MYO5B: variants seen among roughly 807,000 people sequenced by gnomAD.
MYO5B encodes unconventional myosin-Vb.
A neutral mutation model predicts 229.3 loss-of-function variants in MYO5B; 143 were observed. The observed-to-expected ratio is 0.62, with a 90% CI of 0.54 to 0.72. MYO5B has a LOEUF of 0.72. Among genes scored for constraint, MYO5B ranks in the 30% least tolerant of loss-of-function variants. The pLI is 0.00. For missense variants in MYO5B, 2,321 were observed against 2,331.0 expected, an observed-to-expected ratio of 1.00 and a Z score of 0.09; for synonymous variants, 918 against 885.2, an observed-to-expected ratio of 1.04 and a Z score of -0.66.
intron 1 of MYO5B, among the ~76,000 whole-genome samples, chr18:50,153,797 G>A (rs1345127921): frequency 6.6e-6 from 1 of 152,116 alleles, no homozygotes; most frequent in Non-Finnish European, 1.5e-5. Flanking sequence ...GAGTGGGGAA[G>A]TGAGTGAGTG....
intron 21 of MYO5B, among the ~76,000 whole-genome samples, chr18:49,900,078 G>C (rs1251221596): frequency 6.6e-6 from 1 of 152,226 alleles, no homozygotes; most frequent in African/African-American, 2.4e-5. Context: ...AGCAAGGCCT[G>C]GGGGAGCCAG....
intron 1 of MYO5B, among the ~76,000 whole-genome samples, chr18:50,110,269 C>G (rs764681254): frequency 6.6e-6 from 1 of 152,102 alleles, no homozygotes; most frequent in African/African-American, 2.4e-5. Flanking sequence ...GCTTTATTTT[C>G]TTCTCCTGGC....
At chr18:50,144,573 T>A (rs572062814) in intron 1 of MYO5B, among the ~76,000 whole-genome samples, 1 of 152,166 alleles carries the variant, frequency 6.6e-6, no homozygotes, top group Non-Finnish European at 1.5e-5. Flanking sequence ...ATGAGCTACA[T>A]ATACACAGAA....
At chr18:50,021,276 G>A (rs918803508) in intron 4 of MYO5B, among the ~76,000 whole-genome samples, 1 of 152,166 alleles carries the variant, frequency 6.6e-6, no homozygotes, top group Non-Finnish European at 1.5e-5. Context: ...CAACACTTTG[G>A]AGGACAGCTA....
intron 27 of MYO5B, among the ~76,000 whole-genome samples, chr18:49,869,982 T>A (rs2024439493): frequency 6.6e-6 from 1 of 152,164 alleles, no homozygotes; most frequent in South Asian, 2.1e-4. Context: ...ACATGCTCAT[T>A]TTCATCCCCA....
chr18:50,154,779 G>A (rs2032654049), intron 1 of MYO5B, among the ~76,000 whole-genome samples: 2 of 152,218 alleles, frequency 1.3e-5, no homozygotes, highest in African/African-American at 2.4e-5. Flanking sequence ...TAGGGCCCTG[G>A]AATGAATGGT....
chr18:49,922,642 C>T (rs796396524), intron 17 of MYO5B, among the ~76,000 whole-genome samples: 10 of 152,004 alleles, frequency 6.6e-5, no homozygotes, highest in African/African-American at 2.4e-4. Context: ...GCTAAGATGG[C>T]AAATGCCAGG....
intron 14 of MYO5B, among the ~76,000 whole-genome samples, chr18:49,943,331 C>T (rs967701606): frequency 6.6e-5 from 10 of 151,822 alleles, no homozygotes; most frequent in African/African-American, 2.2e-4. Flanking sequence ...CAAACCTGCA[C>T]GTTGTACCCT....
In MYO5B at chr18:50,033,387, C is replaced by T. The variant is rs79546943; in HGVS notation, c.455+3463G>A. ...ATCTGTGACATTAGGTCTCCAAGCG[C>T]AATTTAAATGACACCGTGGCACAGT... On this transcript the variant is annotated intron_variant, in intron 4 of 39. Transcript: ENST00000285039. Among the ~76,000 whole-genome samples the T allele has an allele frequency of 1.9e-3, 296 of 152,274 alleles. 10 individuals are homozygous for T. In the East Asian group the frequency reaches 0.053, roughly 28 times the overall value.
intron 4 of MYO5B, among the ~76,000 whole-genome samples, chr18:50,031,544 A>G (rs1598966301): frequency 6.6e-6 from 1 of 152,234 alleles, no homozygotes; most frequent in African/African-American, 2.4e-5. Context: ...GAAATAGAAC[A>G]TAACACTGTG....
chr18:49,890,593 C>T (rs2024700667), intron 22 of MYO5B, among the ~76,000 whole-genome samples: 1 of 152,100 alleles, frequency 6.6e-6, no homozygotes, highest in African/African-American at 2.4e-5. Flanking sequence ...TAGCTAGGGG[C>T]TTTGTTTTGT....
At chr18:50,043,370 AAT>A (rs1568083278) in intron 2 of MYO5B, among the ~76,000 whole-genome samples, 1 of 78,728 alleles carries the variant, frequency 1.3e-5, no homozygotes, top group East Asian at 3.6e-4. Context: ...TATATTATAT[AAT>A]ATATAATATA....
chr18:50,078,539 T>C (rs1434168308), intron 1 of MYO5B, among the ~76,000 whole-genome samples: 1 of 152,116 alleles, frequency 6.6e-6, no homozygotes, highest in Non-Finnish European at 1.5e-5. Flanking sequence ...AAACATGAGA[T>C]ACCATTACAC....
At chr18:49,867,280 G>A (rs2024407492) in intron 27 of MYO5B, among the ~76,000 whole-genome samples, 1 of 150,422 alleles carries the variant, frequency 6.6e-6, no homozygotes, top group Admixed American at 6.6e-5. Context: ...TGGGAAGTGA[G>A]TGGGAAGAAA....
At chr18:50,192,462 T>C (rs2033241360) in intron 1 of MYO5B, among the ~76,000 whole-genome samples, 1 of 152,202 alleles carries the variant, frequency 6.6e-6, no homozygotes, top group Non-Finnish European at 1.5e-5. Flanking sequence ...AGCAACATTT[T>C]GGGGGAATGC....
intron 10 of MYO5B, among the ~76,000 whole-genome samples, chr18:49,968,084 G>A (rs1001522870): frequency 1.3e-5 from 2 of 152,136 alleles, no homozygotes; most frequent in Non-Finnish European, 2.9e-5. Context: ...CTGTAAAGAT[G>A]AGCAAGTCAC....
intron 1 of MYO5B, among the ~76,000 whole-genome samples, chr18:50,139,904 C>T (rs1035429327): frequency 2.0e-5 from 3 of 152,166 alleles, no homozygotes; most frequent in Non-Finnish European, 4.4e-5. Flanking sequence ...GTAGTCTACA[C>T]ATAAATATAC....
At chr18:49,976,826 C>A (rs1213103258) in intron 9 of MYO5B, among the ~76,000 whole-genome samples, 1 of 152,186 alleles carries the variant, frequency 6.6e-6, no homozygotes, top group Admixed American at 6.5e-5. Flanking sequence ...CCCCGACTCC[C>A]CTAAACATAA....
chr18:50,072,045 A>G (rs1027490566), intron 1 of MYO5B, among the ~76,000 whole-genome samples: 4 of 152,212 alleles, frequency 2.6e-5, no homozygotes, highest in African/African-American at 9.7e-5. Flanking sequence ...GAAGTCATCA[A>G]GGTCTCCTTG....
Sources: allele counts gnomAD v4.1 joint callset (sites outside exome capture counted in the v4.1 genomes callset), GRCh38; gene constraint gnomAD v4.1.1; transcripts MANE v1.5; gene names NCBI Gene and HGNC (gene_info 2026-07-23, HGNC 2026-07-21).